The following CNTN1 variants were observed in gnomAD, a reference collection of about 807,000 sequenced individuals.
CNTN1 encodes contactin-1.
In CNTN1, 38 loss-of-function variants were observed where a neutral mutation model predicts 126.4. The observed-to-expected ratio is 0.30, with a 90% CI of 0.23 to 0.39. CNTN1 has a LOEUF of 0.39. Among genes scored for constraint, CNTN1 ranks in the 10% least tolerant of loss-of-function variants. The pLI is 1.00. For missense variants in CNTN1, 1,009 were observed against 1,248.4 expected (o/e 0.81, Z 2.89); for synonymous variants, 413 against 422.6 (o/e 0.98, Z 0.28).
At chr12:40,841,961 A>C (rs1292478663) in intron 1 of CNTN1, among the ~76,000 whole-genome samples, 1 of 152,046 alleles carries the variant, frequency 6.6e-6, no homozygotes, top group African/African-American at 2.4e-5. Context: ...ACATGTAATA[A>C]AAGTATTCAT....
chr12:40,919,415 C>G (rs151273662), intron 4 of CNTN1, among the ~76,000 whole-genome samples: 2 of 152,152 alleles, frequency 1.3e-5, no homozygotes, highest in South Asian at 2.1e-4. Context: ...CTAACAGTTT[C>G]TCATCTGATG....
chr12:41,057,395 C>T (rs551048328), intron 23 of CNTN1, among the ~76,000 whole-genome samples: 1 of 151,688 alleles, frequency 6.6e-6, no homozygotes, highest in African/African-American at 2.4e-5. Flanking sequence ...ACTTAAAAAT[C>T]TCACATGTAC....
intron 15 of CNTN1, among the ~76,000 whole-genome samples, chr12:40,964,768 C>T (rs1007192779): frequency 3.3e-5 from 5 of 152,004 alleles, no homozygotes; most frequent in South Asian, 4.2e-4. Flanking sequence ...GTAACACGGT[C>T]GAACAAATAA....
At chr12:41,030,880 A>G (rs909839770) in intron 23 of CNTN1, among the ~76,000 whole-genome samples, 64 of 152,308 alleles carry the variant, frequency 4.2e-4, no homozygotes, top group Middle Eastern at 3.4e-3. Flanking sequence ...AACATTTTCT[A>G]TATTCAGAAC....
chr12:40,992,794 G>C (rs2056356), intron 16 of CNTN1, among the ~76,000 whole-genome samples: 1 of 152,126 alleles, frequency 6.6e-6, no homozygotes, highest in Non-Finnish European at 1.5e-5. Flanking sequence ...TGCACCTTCA[G>C]AATACAGCTC....
intron 6 of CNTN1, among the ~76,000 whole-genome samples, chr12:40,925,579 G>GTGTATA (rs1565961657): frequency 9.4e-6 from 1 of 106,230 alleles, no homozygotes; most frequent in African/African-American, 3.7e-5. Context: ...ACGTATATAC[G>GTGTATA]TATATATACA....
intron 1 of CNTN1, among the ~76,000 whole-genome samples, chr12:40,843,276 G>A (rs540437152): frequency 6.6e-6 from 1 of 152,162 alleles, no homozygotes; most frequent in South Asian, 2.1e-4. Context: ...ATATTTTGTT[G>A]ACATATTGAT....
At chr12:40,839,999 T>C (rs1344437963) in intron 1 of CNTN1, among the ~76,000 whole-genome samples, 2 of 152,050 alleles carry the variant, frequency 1.3e-5, no homozygotes, top group Non-Finnish European at 2.9e-5. Flanking sequence ...CACGTATCAA[T>C]AATAATCTTA....
intron 7 of CNTN1, among the ~76,000 whole-genome samples, chr12:40,932,241 G>A (rs1945912263): frequency 6.6e-6 from 1 of 151,868 alleles, no homozygotes; most frequent in Non-Finnish European, 1.5e-5. Flanking sequence ...TGAATCATGG[G>A]GGGCTGTCTC....
At chr12:40,880,281 A>G (rs1387921908) in intron 1 of CNTN1, among the ~76,000 whole-genome samples, 1 of 152,012 alleles carries the variant, frequency 6.6e-6, no homozygotes, top group Admixed American at 6.6e-5. Context: ...GATTATTGTG[A>G]ATTGGACAAT....
At chr12:40,860,900 T>C (rs946402630) in intron 1 of CNTN1, among the ~76,000 whole-genome samples, 5 of 152,054 alleles carry the variant, frequency 3.3e-5, no homozygotes, top group African/African-American at 1.2e-4. Context: ...AGCTCCCTCA[T>C]CCTGAAGCTA....
Position 41,070,986 on chromosome 12 carries a change from C to T in CNTN1, c.*951C>T, listed in dbSNP as rs534404763. 1 of 152,052 alleles carries T rather than the reference C, an allele frequency of 6.6e-6. No homozygotes were observed. Among genetic ancestry groups the T allele is most frequent in the East Asian group, 1.9e-4 (1 of 5,172 alleles). The allele number at this position is 152,052 out of a possible 1,614,324, so 9.4% of individuals were successfully genotyped here. On this transcript the variant is annotated 3_prime_UTR_variant, in exon 24 of 24. Transcript: ENST00000551295. ...AATTACTAGTATGTTGGTTTTTCTG[C>T]TTCATTCCTAAGTATTACGTTTCTT...
intron 1 of CNTN1, among the ~76,000 whole-genome samples, chr12:40,803,671 A>G (rs1940735471): frequency 6.6e-6 from 1 of 151,990 alleles, no homozygotes; most frequent in Non-Finnish European, 1.5e-5. Flanking sequence ...AATTTTGGCT[A>G]GACATATAAG....
At chr12:40,793,029 C>G (rs1427625813) in intron 1 of CNTN1, among the ~76,000 whole-genome samples, 1 of 151,930 alleles carries the variant, frequency 6.6e-6, no homozygotes, top group Non-Finnish European at 1.5e-5. Context: ...CCTCCTTAGC[C>G]TCATCTAAAA....
intron 17 of CNTN1, among the ~76,000 whole-genome samples, chr12:40,997,934 T>G (rs566659714): frequency 6.6e-6 from 1 of 152,318 alleles, no homozygotes; most frequent in Admixed American, 6.5e-5. Flanking sequence ...TCTGATTTTA[T>G]TCATATTGTT....
At chr12:40,940,852 G>A (rs1051538315) in intron 12 of CNTN1, among the ~76,000 whole-genome samples, 6 of 152,250 alleles carry the variant, frequency 3.9e-5, no homozygotes, top group South Asian at 2.1e-4. Context: ...TCAATTTGCC[G>A]CTGAAACATT....
intron 11 of CNTN1, among the ~76,000 whole-genome samples, chr12:40,938,313 T>C (rs548618085): frequency 6.6e-6 from 1 of 152,344 alleles, no homozygotes; most frequent in South Asian, 2.1e-4. Context: ...GAACTACAAA[T>C]GATCATGTCT....
intron 1 of CNTN1, among the ~76,000 whole-genome samples, chr12:40,878,928 C>A (rs1056755702): frequency 6.6e-6 from 1 of 152,110 alleles, no homozygotes; most frequent in Admixed American, 6.6e-5. Flanking sequence ...GTTAATGAGA[C>A]TTGTTCACAT....
chr12:40,915,763 T>A (rs546737469), intron 3 of CNTN1, among the ~76,000 whole-genome samples: 1 of 152,038 alleles, frequency 6.6e-6, no homozygotes, highest in East Asian at 1.9e-4. Context: ...GCTTTTGGTG[T>A]TGTGTCTAAA....
Sources: gnomAD v4.1 joint callset for allele counts (sites outside exome capture counted in the v4.1 genomes callset) on GRCh38, gnomAD v4.1.1 for gene constraint, MANE v1.5 for transcripts, NCBI Gene and HGNC (gene_info 2026-07-23, HGNC 2026-07-21) for gene names.